LTA4H: variants seen among roughly 807,000 people sequenced by gnomAD.
LTA4H encodes the protein leukotriene A-4 hydrolase.
LTA4H carries 59 observed loss-of-function variants against 89.8 expected under a neutral mutation model. That is an observed-to-expected ratio of 0.66 (90% confidence interval 0.53 to 0.82). The LOEUF (loss-of-function observed/expected upper bound fraction) is 0.82, where lower values mean the gene tolerates loss of function less well. Among genes scored for constraint, LTA4H ranks in the 40% least tolerant of loss-of-function variants. The pLI is 0.00. For synonymous variants in LTA4H, 227 were observed against 253.1 expected (o/e 0.90, Z 0.98); for missense variants, 617 against 727.0 (o/e 0.85, Z 1.74).
intron 6 of LTA4H, among the ~76,000 whole-genome samples, chr12:96,019,897 G>C (rs1684744113): frequency 1.4e-5 from 2 of 144,892 alleles, no homozygotes; most frequent in African/African-American, 5.1e-5. Flanking sequence ...ACCACGCCCA[G>C]CGTTTTTTTT....
chr12:96,016,936 T>C, intron 10 of LTA4H, 108 bp downstream of exon 10: 3 of 769,648 alleles, frequency 3.9e-6, no homozygotes, highest in Non-Finnish European at 6.7e-6. Flanking sequence ...TAAGAGATGA[T>C]AACAAAGAAA....
chr12:96,037,753 G>C (rs1950661252), upstream of LTA4H, among the ~76,000 whole-genome samples: 1 of 146,802 alleles, frequency 6.8e-6, no homozygotes, highest in African/African-American at 2.5e-5. Context: ...GAGTGCAGTG[G>C]CGCAATCTCG....
rs953539644 is a variant in LTA4H at position 96,031,087 on chromosome 12, T to A, written c.160-1902A>T. The stretch of plus-strand genomic sequence containing the variant: ...TTCCAAATCTGTTCAGAATCAGAAG[T>A]GTCATAGTGACAACTATTTTTTGTG... On this transcript the variant is annotated intron_variant, in intron 1 of 18. Transcript: ENST00000228740. Among the ~76,000 whole-genome samples the A allele has an allele frequency of 2.6e-5, 4 of 152,364 alleles. No individual in the cohort carries two copies. The East Asian group carries it at 5.8e-4, about 22-fold the overall frequency.
intron 9 of LTA4H, 69 bp downstream of exon 9, chr12:96,017,488 G>A: frequency 1.6e-6 from 2 of 1,284,480 alleles, no homozygotes; most frequent in Non-Finnish European, 2.2e-6. Flanking sequence ...AAAAATACAA[G>A]GGATATTTTA....
At chr12:96,035,839 G>A (rs1950636699), upstream of LTA4H, among the ~76,000 whole-genome samples, 1 of 152,120 alleles carries the variant, frequency 6.6e-6, no homozygotes, top group African/African-American at 2.4e-5. Flanking sequence ...GTGGCCGAAG[G>A]GAAATGATGA....
intron 1 of LTA4H, among the ~76,000 whole-genome samples, chr12:96,041,976 GTTTTTTTTTCTTTTTTTT>G (rs1950690724): frequency 8.0e-6 from 1 of 125,002 alleles, no homozygotes; most frequent in Non-Finnish European, 1.6e-5. Flanking sequence ...GTTTCTTTTT[GTTTTTTTTTCTTTTTTTT>G]TTTTTTTTTG....
At position 96,015,593 on chromosome 12, in the gene LTA4H, A is replaced by G. The variant is rs1265596689; in HGVS notation, c.1049T>C (p.Leu350Pro). ...HFNALGGWGE[L>P]QNSVKTFGET... is the part of the protein sequence containing the mutation. ...CTTTGACTCCTTTACCGAATTCTGT[A>G]GTTCTCCCCATCCTCCCAGAGCATT... The change falls in exon 11 of 19, where the codon CTA becomes CCA. Residue 350 changes from leucine (L) to proline (P), a missense_variant. Transcript: ENST00000228740. 1 of 1,610,762 alleles carries G rather than the reference A, an allele frequency of 6.2e-7. No individual in the cohort carries two copies. Among genetic ancestry groups the G allele is most frequent in the South Asian group, 1.1e-5 (1 of 90,824 alleles).
chr12:96,025,591 G>C (rs965200061), intron 3 of LTA4H, among the ~76,000 whole-genome samples: 1 of 152,184 alleles, frequency 6.6e-6, no homozygotes, highest in Non-Finnish European at 1.5e-5. Flanking sequence ...AGCACTTTGG[G>C]AGGCTCAGAT....
At chr12:96,035,782 T>G (rs1445862374), upstream of LTA4H, 2 of 629,908 alleles carry the variant, frequency 3.2e-6, no homozygotes, top group Non-Finnish European at 4.6e-6. Context: ...GGACCAAGCG[T>G]GCTCCTGGAG....
Position 96,022,241 on chromosome 12 carries a change from G to A in LTA4H, c.491C>T (p.Pro164Leu). The change falls in exon 5 of 19, where the codon CCT becomes CTT. Residue 164 changes from proline (P) to leucine (L), a missense_variant. By Grantham distance (98) the Pro-to-Leu change is moderately conservative. This residue lies in a region of LTA4H where 172 missense variants were observed against 244.5 expected (regional missense o/e 0.70). Coordinates refer to ENST00000228740, the MANE Select transcript of LTA4H (RefSeq NM_000895.3). The surrounding 1 kb of genome is among the most constrained non-coding windows in gnomAD (Gnocchi z 4.0). Reference sequence around the variant, plus strand: ...ACTCATAAGTGCCACCAGTTCTTTAGGGACAGACACCTAATCAAGGAGAAA... The same window carrying A: ...ACTCATAAGTGCCACCAGTTCTTTAAGGACAGACACCTAATCAAGGAGAAA... ...KLTYTAEVSVPKELVALMSAI... is the reference protein window; with the variant it reads ...KLTYTAEVSVLKELVALMSAI... The A allele has an allele frequency of 6.2e-7, 1 of 1,607,916 alleles. No individual in the cohort carries two copies. The highest frequency in any genetic ancestry group is 8.5e-7 in the Non-Finnish European group (1 of 1,174,714).
intron 1 of LTA4H, 118 bp downstream of exon 1, chr12:96,035,243 C>G (rs1467570550): frequency 9.8e-7 from 1 of 1,017,628 alleles, no homozygotes; most frequent in Non-Finnish European, 1.4e-6. Context: ...CAGACGGGGA[C>G]GTGGGGCTAG....
chr12:96,013,893 T>C, intron 12 of LTA4H, 40 bp from the exon 13 acceptor site: 1 of 916,146 alleles, frequency 1.1e-6, no homozygotes, highest in African/African-American at 1.7e-5. Context: ...CATAGAAAGG[T>C]AATTATTTGA....
At chr12:96,010,936 C>T (rs1254904018) in intron 14 of LTA4H, 6 of 152,086 alleles carry the variant, frequency 3.9e-5, no homozygotes, top group East Asian at 1.9e-4. Context: ...AAAAGAGGAT[C>T]GTGGAAGCCA....
chr12:96,028,470 C>T (rs1013145654), intron 2 of LTA4H, among the ~76,000 whole-genome samples: 3 of 152,188 alleles, frequency 2.0e-5, no homozygotes, highest in African/African-American at 7.2e-5. Context: ...TCTTTCCCCT[C>T]AAGAGGTGGC....
intron 16 of LTA4H, among the ~76,000 whole-genome samples, chr12:96,005,485 C>T (rs1950183318): frequency 1.3e-5 from 2 of 152,194 alleles, no homozygotes; most frequent in African/African-American, 2.4e-5. Flanking sequence ...TGAGAGTCAT[C>T]ACATCTGGTC....
At chr12:96,021,240 A>G in intron 5 of LTA4H, 103 bp from the exon 6 acceptor site, 1 of 784,434 alleles carries the variant, frequency 1.3e-6, no homozygotes, top group Non-Finnish European at 1.9e-6. Context: ...TCCCTTTCAA[A>G]TCTCCTAATA....
In LTA4H at chr12:96,017,133, T is replaced by A. The variant is rs1950390526; in HGVS notation, c.877-19A>T. 4 of 1,531,038 alleles carry A rather than the reference T, an allele frequency of 2.6e-6. No individual in the cohort carries two copies. The highest frequency in any genetic ancestry group is 3.6e-6 in the Non-Finnish European group (4 of 1,104,642). 94.8% of individuals were successfully genotyped at this position (1,531,038 alleles called of 1,614,324 possible). Reference sequence around the variant, plus strand: ...CAATGACCTAAAGAAAACAGTGTGATTAATAGTAAGACTGATTATCTTAAC... The same window carrying A: ...CAATGACCTAAAGAAAACAGTGTGAATAATAGTAAGACTGATTATCTTAAC... On this transcript the variant is annotated intron_variant, in intron 9 of 18. Coordinates refer to ENST00000228740, the MANE Select transcript of LTA4H (RefSeq NM_000895.3).
In LTA4H at chr12:96,001,016, C is replaced by G; in HGVS notation, c.1809G>C (p.Leu603=). The change falls in exon 19 of 19, where the codon CTG becomes CTC. Residue 603 remains leucine, a synonymous_variant. Transcript: ENST00000228740. ...AATCCACTTTTAAGTCTTTCCCCAC[C>G]AGCATTGCAGTCACGGGATGCATGC... ...KASMHPVTAM[L]VGKDLKVD 6.2e-7 allele frequency: 1 copy of G among 1,613,424 alleles called. No individual in the cohort carries two copies. Among genetic ancestry groups the G allele is most frequent in the Non-Finnish European group, 8.5e-7 (1 of 1,179,388 alleles).
In LTA4H at chr12:96,022,257, C is replaced by T. The variant is rs1250994204; in HGVS notation, c.481-6G>A. 7 of 1,577,362 alleles carry T rather than the reference C, an allele frequency of 4.4e-6. No homozygotes were observed. The South Asian group carries it at 4.5e-5, about 10-fold the overall frequency. On this transcript the variant is annotated splice_region_variant and splice_polypyrimidine_tract_variant and intron_variant, in intron 4 of 18. Transcript: ENST00000228740. This position sits in a 1 kb window ranked among gnomAD's most constrained non-coding sequence, Gnocchi z 4.0. ...AGTTCTTTAGGGACAGACACCTAAT[C>T]AAGGAGAAAAATCATTTCTAGTCAT...
Sources: gnomAD v4.1 joint callset for allele counts (sites outside exome capture counted in the v4.1 genomes callset) on GRCh38, gnomAD v4.1.1 for gene constraint, gnomAD v4.1.1 regional missense constraint, Gnocchi (gnomAD v3.1) non-coding constraint, MANE v1.5 for transcripts, NCBI Gene and HGNC (gene_info 2026-07-23, HGNC 2026-07-21) for gene names.